The following KIF13A variants were observed in gnomAD, a reference collection of about 807,000 sequenced individuals.
KIF13A encodes kinesin family member 13A, also known as kinesin-like protein KIF13A.
In KIF13A, 79 loss-of-function variants were observed where a neutral mutation model predicts 212.2. The ratio of observed to expected loss-of-function variants is 0.37; its 90% confidence interval spans 0.31 to 0.45. KIF13A has a LOEUF of 0.45. Among genes scored for constraint, KIF13A ranks in the 20% least tolerant of loss-of-function variants. The pLI, the probability that KIF13A is intolerant of heterozygous loss-of-function variation, is 1.00. For synonymous variants in KIF13A, 789 were observed against 808.6 expected (o/e 0.98, Z 0.41); for missense variants, 1,901 against 2,209.0 (o/e 0.86, Z 2.79).
Position 17,794,626 on chromosome 6 carries a change from C to T in KIF13A, c.3021G>A (p.Val1007=). ...TGACATCTTTTGCCTGATGAAGTTCCACTGCAGCATACTCTCCTAACTCAT... is the reference window on the plus strand; with the variant it reads ...TGACATCTTTTGCCTGATGAAGTTCTACTGCAGCATACTCTCCTAACTCAT... ...ELNELGEYAA[V]ELHQAKDVNT... The change falls in exon 24 of 39, where the codon GTG becomes GTA. Residue 1007 remains valine (V), a synonymous_variant. Transcript: ENST00000259711. The surrounding 1 kb of genome is among the most constrained non-coding windows in gnomAD (Gnocchi z 4.1). The T allele has an allele frequency of 6.2e-7, 1 of 1,613,530 alleles. No individual in the cohort carries two copies. The highest frequency in any genetic ancestry group is 8.5e-7 in the Non-Finnish European group (1 of 1,179,736).
At chr6:17,874,977 CCACACACACACACACGCACACGCACG>C (rs1288814511) in intron 3 of KIF13A, among the ~76,000 whole-genome samples, 1 of 90,688 alleles carries the variant, frequency 1.1e-5, no homozygotes, top group African/African-American at 4.9e-5. Context: ...TAGTATTCCA[CCACACACACACACACGCACACGCACG>C]CACACACACA....
chr6:17,799,727 A>G lies in KIF13A; in HGVS notation c.2616+225T>C, dbSNP rs745617780. On this transcript the variant is annotated intron_variant, in intron 21 of 38. Transcript: ENST00000259711. The surrounding 1 kb of genome is among the most constrained non-coding windows in gnomAD (Gnocchi z 4.4). ...AGAAAAACATAATTCACTAAGCAAC[A>G]TACACTTCTTGCATGTCAAATACAT... 6.6e-6 allele frequency among the ~76,000 whole-genome samples: 1 copy of G among 152,208 alleles called. No homozygotes were observed. The highest frequency in any genetic ancestry group is 1.5e-5 in the Non-Finnish European group (1 of 68,038).
intron 2 of KIF13A, among the ~76,000 whole-genome samples, chr6:17,975,447 A>G (rs1330977918): frequency 6.6e-6 from 1 of 152,196 alleles, no homozygotes; most frequent in Non-Finnish European, 1.5e-5. Flanking sequence ...CTAGCTTACA[A>G]AAGTGAAGCT....
In KIF13A at chr6:17,783,091, C is replaced by T. The variant is rs1760748628; in HGVS notation, c.3544+555G>A. On this transcript the variant is annotated intron_variant, in intron 29 of 38. Transcript: ENST00000259711. The surrounding 1 kb of genome is among the most constrained non-coding windows in gnomAD (Gnocchi z 4.3). ...CCTAGGGCCCTGCCAAAGGATCTAC[C>T]AGGATCCTGCCCACTGCAAACTCAG... is the stretch of plus-strand genomic sequence containing the variant. Among the ~76,000 whole-genome samples, 2 of 152,322 alleles carry T rather than the reference C, an allele frequency of 1.3e-5. No individual in the cohort carries two copies. Among genetic ancestry groups the T allele is most frequent in the South Asian group, 4.1e-4 (2 of 4,830 alleles).
chr6:17,875,620 A>C (rs1259600177), intron 3 of KIF13A, among the ~76,000 whole-genome samples: 1 of 151,720 alleles, frequency 6.6e-6, no homozygotes, highest in African/African-American at 2.4e-5. Context: ...ATGCCCAGCT[A>C]ATTTTTGTAT....
At chr6:17,859,369 G>A (rs867338702) in intron 4 of KIF13A, among the ~76,000 whole-genome samples, 4 of 151,678 alleles carry the variant, frequency 2.6e-5, no homozygotes, top group East Asian at 1.9e-4. Flanking sequence ...CTGGGAGGCC[G>A]AGGTGGGAGG....
intron 9 of KIF13A, among the ~76,000 whole-genome samples, chr6:17,845,785 C>T (rs1766968460): frequency 6.6e-6 from 1 of 152,230 alleles, no homozygotes; most frequent in Admixed American, 6.5e-5. Flanking sequence ...AAGCTCTGAA[C>T]ACTCCCTGGC....
In KIF13A at chr6:17,919,877, G is replaced by A. The variant is rs959339212; in HGVS notation, c.147-21697C>T. On this transcript the variant is annotated intron_variant, in intron 2 of 38. Transcript: ENST00000259711. The surrounding 1 kb of genome is among the most constrained non-coding windows in gnomAD (Gnocchi z 4.1). The stretch of plus-strand genomic sequence containing the variant: ...TGAAGAAATACAGCAAAACAGTGCA[G>A]GACCAGTGTTTGAAGGAATAAGCTC... Among the ~76,000 whole-genome samples, 1 of 152,184 alleles carries A rather than the reference G, an allele frequency of 6.6e-6. No individual in the cohort carries two copies. Among genetic ancestry groups the A allele is most frequent in the African/African-American group, 2.4e-5 (1 of 41,446 alleles).
chr6:17,987,312 G>T lies in KIF13A; in HGVS notation c.55+97C>A. The T allele has an allele frequency of 2.0e-6, 2 of 986,382 alleles. No homozygotes were observed. The highest frequency in any genetic ancestry group is 2.6e-6 in the Non-Finnish European group (2 of 755,150). The allele number at this position is 986,382 out of a possible 1,614,324, so 61.1% of individuals were successfully genotyped here. A position where few individuals can be genotyped will look rare whatever the true frequency, so the allele number is the denominator to read the frequency against. On this transcript the variant is annotated intron_variant, in intron 1 of 38. Coordinates refer to ENST00000259711, the MANE Select transcript of KIF13A (RefSeq NM_022113.6). The surrounding 1 kb of genome is among the most constrained non-coding windows in gnomAD (Gnocchi z 7.7). ...ACGCCGCCTCCGCCCCGGCCCCCCG[G>T]CCCCGGCCGCGCTCTCGCCGTCCCG... is the stretch of plus-strand genomic sequence containing the variant.
At chr6:17,836,809 C>T in intron 11 of KIF13A, 69 bp downstream of exon 11, 1 of 1,375,736 alleles carries the variant, frequency 7.3e-7, no homozygotes, top group Non-Finnish European at 1.0e-6. Flanking sequence ...TGCAAATGAG[C>T]ACACCCTTGC....
At chr6:17,894,954 A>G (rs1484252673) in intron 3 of KIF13A, among the ~76,000 whole-genome samples, 5 of 152,158 alleles carry the variant, frequency 3.3e-5, no homozygotes, top group Non-Finnish European at 5.9e-5. Flanking sequence ...TGGTAACTCA[A>G]CCATGGCTGA....
intron 2 of KIF13A, among the ~76,000 whole-genome samples, chr6:17,907,553 G>GAAA (rs111706430): frequency 2.2e-5 from 3 of 134,626 alleles, no homozygotes; most frequent in Admixed American, 7.5e-5. Context: ...GGCATTTATG[G>GAAA]AAAAAAAAAA....
chr6:17,821,915 G>C (rs1471942832), intron 16 of KIF13A: 7 of 1,535,404 alleles, frequency 4.6e-6, no homozygotes, highest in African/African-American at 1.4e-5. Flanking sequence ...CCTAGCAGTA[G>C]AGGGGAATCA....
chr6:17,927,915 G>C (rs1197684703), intron 2 of KIF13A, among the ~76,000 whole-genome samples: 1 of 152,214 alleles, frequency 6.6e-6, no homozygotes, highest in East Asian at 1.9e-4. Flanking sequence ...CCAGAGGCTG[G>C]CACCAGCAGA....
intron 3 of KIF13A, among the ~76,000 whole-genome samples, chr6:17,882,361 A>AT (rs149040773): frequency 1.3e-5 from 2 of 152,246 alleles, no homozygotes; most frequent in South Asian, 2.1e-4. Flanking sequence ...AAGAAAAGTA[A>AT]TTTTTTTCCC....
rs1400116360 is a variant in KIF13A at position 17,850,991 on chromosome 6, G to A, written c.583-534C>T. On this transcript the variant is annotated intron_variant, in intron 7 of 38. Transcript: ENST00000259711. The surrounding 1 kb of genome is among the most constrained non-coding windows in gnomAD (Gnocchi z 6.2). Reference sequence around the variant, plus strand: ...ACATACAAGGATGCTGAAGTTCGTGGAGGTCAAGCAACTTTCCCCAAATCC... The same window carrying A: ...ACATACAAGGATGCTGAAGTTCGTGAAGGTCAAGCAACTTTCCCCAAATCC... 3.3e-5 allele frequency among the ~76,000 whole-genome samples: 5 copies of A among 151,958 alleles called. No individual in the cohort carries two copies. In the East Asian group the frequency reaches 7.7e-4, roughly 23 times the overall value.
rs1047784257 is a variant in KIF13A at position 17,963,753 on chromosome 6, C to CA, written c.146+23300dup. ...TGCATTTTTAGTAGAGACAGGGTTC[C>CA]ACCATGTTGGCCAAGCTGGTTTCAT... On this transcript the variant is annotated intron_variant, in intron 2 of 38. Coordinates refer to ENST00000259711, the MANE Select transcript of KIF13A (RefSeq NM_022113.6). This position sits in a 1 kb window ranked among gnomAD's most constrained non-coding sequence, Gnocchi z 4.1. 3.9e-5 allele frequency among the ~76,000 whole-genome samples: 6 copies of CA among 152,126 alleles called. No individual in the cohort carries two copies. The highest frequency in any genetic ancestry group is 7.4e-5 in the Non-Finnish European group (5 of 68,014).
In KIF13A at chr6:17,899,813, A is replaced by G. The variant is rs1425129293; in HGVS notation, c.147-1633T>C. Among the ~76,000 whole-genome samples, 1 of 152,244 alleles carries G rather than the reference A, an allele frequency of 6.6e-6. No individual in the cohort carries two copies. Among genetic ancestry groups the G allele is most frequent in the Non-Finnish European group, 1.5e-5 (1 of 68,046 alleles). On this transcript the variant is annotated intron_variant, in intron 2 of 38. Transcript: ENST00000259711. This position sits in a 1 kb window ranked among gnomAD's most constrained non-coding sequence, Gnocchi z 5.2. ...ACCCTTTAAAACAAGATAAACATTTATAGAGGTTATAAATAAAAATGCACA... is the reference window on the plus strand; with the variant it reads ...ACCCTTTAAAACAAGATAAACATTTGTAGAGGTTATAAATAAAAATGCACA...
Position 17,982,233 on chromosome 6 carries a change from T to C in KIF13A, c.146+4821A>G, listed in dbSNP as rs2150643695. The C allele has an allele frequency of 6.5e-6, 1 of 154,796 alleles. No individual in the cohort carries two copies. The highest frequency in any genetic ancestry group is 1.9e-4 in the East Asian group (1 of 5,164). 9.6% of individuals were successfully genotyped at this position (154,796 alleles called of 1,614,324 possible). A position where few individuals can be genotyped will look rare whatever the true frequency, so the allele number is the denominator to read the frequency against. On this transcript the variant is annotated intron_variant, in intron 2 of 38. Coordinates refer to ENST00000259711, the MANE Select transcript of KIF13A (RefSeq NM_022113.6). This position sits in a 1 kb window ranked among gnomAD's most constrained non-coding sequence, Gnocchi z 5.1. ...GCCTCTGCCTCCTAAGTAGCTGGGA[T>C]TATAGGTGTGCACCACCACACTCGG...
Sources: gnomAD v4.1 joint callset for allele counts (sites outside exome capture counted in the v4.1 genomes callset) on GRCh38, gnomAD v4.1.1 for gene constraint, Gnocchi (gnomAD v3.1) non-coding constraint, MANE v1.5 for transcripts, NCBI Gene and HGNC (gene_info 2026-07-23, HGNC 2026-07-21) for gene names.